CDH12: variants seen among roughly 807,000 people sequenced by gnomAD.
CDH12 encodes the protein cadherin-12.
Under a neutral mutation model 74.1 loss-of-function variants are expected in CDH12, and 41 were observed. The observed-to-expected ratio is 0.55, with a 90% CI of 0.43 to 0.72. CDH12 has a LOEUF of 0.72. Among genes scored for constraint, CDH12 ranks in the 30% least tolerant of loss-of-function variants. The pLI is 0.00. For missense variants in CDH12, 945 were observed against 977.2 expected (o/e 0.97, Z 0.44); for synonymous variants, 399 against 355.0 (o/e 1.12, Z -1.39).
rs1219840611 is a variant in CDH12, at chr5:22,104,754, ATAGT to A, written c.-186-25896_-186-25893del. 2.6e-5 allele frequency among the ~76,000 whole-genome samples: 4 copies of A among 152,244 alleles called. No individual in the cohort carries two copies. In the East Asian group the frequency reaches 7.7e-4, roughly 29 times the overall value. ...CTTTTTGATCCTTACCAGCCTAATA[ATAGT>A]TGGTATTTGATTTTAATTTTTAATT... On this transcript the variant is annotated intron_variant, in intron 4 of 14. Coordinates refer to ENST00000382254, the MANE Select transcript of CDH12 (RefSeq NM_004061.5).
intron 6 of CDH12, among the ~76,000 whole-genome samples, chr5:21,870,790 G>T (rs1450281546): frequency 6.6e-6 from 1 of 152,028 alleles, no homozygotes; most frequent in Admixed American, 6.6e-5. Flanking sequence ...GGGGTACAGG[G>T]GTATAATCAC....
intron 5 of CDH12, among the ~76,000 whole-genome samples, chr5:22,066,155 A>T (rs958181269): frequency 4.0e-5 from 6 of 151,862 alleles, no homozygotes; most frequent in African/African-American, 1.2e-4. Context: ...AATGTTTCTA[A>T]TTTTTTTTAA....
At chr5:22,670,693 T>C (rs566383160) in intron 1 of CDH12, among the ~76,000 whole-genome samples, 59 of 152,190 alleles carry the variant, frequency 3.9e-4, no homozygotes, top group African/African-American at 1.4e-3. Flanking sequence ...ATAAATTCCA[T>C]GTGAACTATA....
intron 1 of CDH12, among the ~76,000 whole-genome samples, chr5:22,569,991 T>A (rs1361912880): frequency 6.6e-6 from 1 of 152,182 alleles, no homozygotes; most frequent in Non-Finnish European, 1.5e-5. Flanking sequence ...ATCATAGGGA[T>A]TAGTATCTAT....
chr5:21,902,961 T>C (rs1345526727), intron 6 of CDH12, among the ~76,000 whole-genome samples: 4 of 152,120 alleles, frequency 2.6e-5, no homozygotes, highest in Non-Finnish European at 5.9e-5. Context: ...ATTCAAATTA[T>C]TATGTCATAA....
chr5:22,745,598 T>A (rs1745253973), intron 1 of CDH12, among the ~76,000 whole-genome samples: 1 of 152,088 alleles, frequency 6.6e-6, no homozygotes, highest in Admixed American at 6.6e-5. Flanking sequence ...TAAAAAAGAA[T>A]GAGATCACAT....
intron 4 of CDH12, among the ~76,000 whole-genome samples, chr5:22,123,933 T>TA (rs1356987352): frequency 6.6e-6 from 1 of 151,758 alleles, no homozygotes; most frequent in Non-Finnish European, 1.5e-5. Flanking sequence ...TTTTAATTTT[T>TA]AAAAAAGTTT....
chr5:22,263,924 T>C (rs961299479), intron 3 of CDH12, among the ~76,000 whole-genome samples: 1 of 152,008 alleles, frequency 6.6e-6, no homozygotes, highest in Non-Finnish European at 1.5e-5. Flanking sequence ...AATGTGTTCT[T>C]CACAACTATG....
intron 1 of CDH12, among the ~76,000 whole-genome samples, chr5:22,610,624 C>T (rs1244139998): frequency 2.3e-5 from 3 of 132,760 alleles, no homozygotes; most frequent in African/African-American, 7.8e-5. Context: ...TGAATAAAAT[C>T]TCTCTCATTT....
intron 1 of CDH12, among the ~76,000 whole-genome samples, chr5:22,527,634 A>T (rs767318265): frequency 3.9e-5 from 6 of 152,146 alleles, no homozygotes; most frequent in African/African-American, 7.2e-5. Context: ...GGCTCCCTTC[A>T]CAAATTTATT....
At chr5:22,418,736 T>C (rs1425821726) in intron 2 of CDH12, among the ~76,000 whole-genome samples, 1 of 151,998 alleles carries the variant, frequency 6.6e-6, no homozygotes, top group African/African-American at 2.4e-5. Flanking sequence ...CTACAAAAAC[T>C]AGCCCGGCAT....
chr5:22,303,194 G>A (rs3099035), intron 3 of CDH12, among the ~76,000 whole-genome samples: 150,098 of 152,230 alleles, frequency 0.99, 74,035 homozygotes, highest in East Asian at 1. Context: ...ATGAAAGGAC[G>A]TGTTTTAAAA....
At chr5:22,206,091 A>G (rs1317472254) in intron 4 of CDH12, among the ~76,000 whole-genome samples, 6 of 152,216 alleles carry the variant, frequency 3.9e-5, no homozygotes, top group Non-Finnish European at 8.8e-5. Context: ...GTTGATCAAC[A>G]TCTGATTCAG....
At chr5:21,761,860 C>T (rs1412904715) in intron 12 of CDH12, among the ~76,000 whole-genome samples, 5 of 152,122 alleles carry the variant, frequency 3.3e-5, no homozygotes, top group South Asian at 2.1e-4. Flanking sequence ...TTGGTCCTCT[C>T]GTATGAATTT....
intron 1 of CDH12, among the ~76,000 whole-genome samples, chr5:22,838,018 G>A (rs1301433338): frequency 1.3e-5 from 2 of 152,116 alleles, no homozygotes; most frequent in Non-Finnish European, 2.9e-5. Context: ...CAATTTGAAG[G>A]CAGAAGTGAA....
intron 1 of CDH12, among the ~76,000 whole-genome samples, chr5:22,808,762 GTTTTTTTTTTTT>G (rs70959757): frequency 2.4e-5 from 1 of 41,726 alleles, no homozygotes; most frequent in Non-Finnish European, 4.9e-5. Context: ...ACCACACCTG[GTTTTTTTTTTTT>G]TTTTTTTTTT....
intron 4 of CDH12, among the ~76,000 whole-genome samples, chr5:22,102,447 T>C (rs1744189508): frequency 6.6e-6 from 1 of 152,048 alleles, no homozygotes; most frequent in African/African-American, 2.4e-5. Context: ...AGCAAGTGGA[T>C]CATCTGAGGT....
chr5:22,087,842 G>A (rs1361461661), intron 4 of CDH12, among the ~76,000 whole-genome samples: 1 of 152,154 alleles, frequency 6.6e-6, no homozygotes, highest in Non-Finnish European at 1.5e-5. Context: ...AATGGAAAAT[G>A]CTCCTACAGG....
At chr5:21,991,555 A>ATATTTATGTATATAAAT (rs1329880096) in intron 5 of CDH12, among the ~76,000 whole-genome samples, 1 of 148,122 alleles carries the variant, frequency 6.8e-6, no homozygotes, top group Non-Finnish European at 1.5e-5. Flanking sequence ...TTAAATATAT[A>ATATTTATGTATATAAAT]ACATTTATAT....
Sources: gnomAD v4.1 joint callset for allele counts (sites outside exome capture counted in the v4.1 genomes callset) on GRCh38, gnomAD v4.1.1 for gene constraint, MANE v1.5 for transcripts, NCBI Gene and HGNC (gene_info 2026-07-23, HGNC 2026-07-21) for gene names.